Variants in CCSER2 observed in about 807,000 individuals in gnomAD.
CCSER2 encodes coiled-coil serine rich protein 2, also known as serine-rich coiled-coil domain-containing protein 2.
Under a neutral mutation model 92.3 loss-of-function variants are expected in CCSER2, and 46 were observed. The ratio of observed to expected loss-of-function variants is 0.50; its 90% CI spans 0.39 to 0.64. The LOEUF is 0.64. Among genes scored for constraint, CCSER2 ranks in the 30% least tolerant of loss-of-function variants. The pLI is 0.00. For missense variants in CCSER2, 1,244 were observed against 1,238.9 expected (o/e 1.00, Z -0.06); for synonymous variants, 433 against 431.4 (o/e 1.00, Z -0.04).
At chr10:84,409,578 T>C (rs1564636320) in intron 3 of CCSER2, among the ~76,000 whole-genome samples, 1 of 151,070 alleles carries the variant, frequency 6.6e-6, no homozygotes, top group Non-Finnish European at 1.5e-5. Context: ...ATTGCTCTCT[T>C]TTTTTTTTTC....
chr10:84,401,027 A>G (rs1842091454), intron 3 of CCSER2, among the ~76,000 whole-genome samples: 1 of 152,182 alleles, frequency 6.6e-6, no homozygotes, highest in African/African-American at 2.4e-5. Flanking sequence ...GAATGAAAAT[A>G]TATTTTATCA....
chr10:84,389,481 T>G (rs1841405665), intron 3 of CCSER2: 1 of 324,004 alleles, frequency 3.1e-6, no homozygotes, highest in African/African-American at 2.2e-5. Flanking sequence ...ATAGTCAGTT[T>G]CACTGTAATT....
intron 4 of CCSER2, 119 bp from the exon 5 acceptor site, chr10:84,425,612 G>A: frequency 3.3e-6 from 2 of 609,016 alleles, no homozygotes; most frequent in Non-Finnish European, 5.1e-6. Context: ...AACATAAATG[G>A]CTGATATTTT....
chr10:84,373,959 A>G, intron 3 of CCSER2, 144 bp downstream of exon 3: 1 of 1,444,912 alleles, frequency 6.9e-7, no homozygotes, highest in Non-Finnish European at 9.2e-7. Flanking sequence ...GAGCCTATAA[A>G]ATATCTGACT....
intron 8 of CCSER2, among the ~76,000 whole-genome samples, chr10:84,474,948 G>A (rs934980222): frequency 1.3e-5 from 2 of 152,122 alleles, no homozygotes; most frequent in Non-Finnish European, 2.9e-5. Context: ...GTTTCTTATT[G>A]GTCATTTGGC....
intron 9 of CCSER2, among the ~76,000 whole-genome samples, chr10:84,479,685 A>T (rs192845864): frequency 1.3e-5 from 2 of 152,326 alleles, no homozygotes; most frequent in African/African-American, 2.4e-5. Flanking sequence ...ATCCCTCAAG[A>T]TGCTTGTAGA....
At chr10:84,445,903 T>C (rs1844885431) in intron 6 of CCSER2, among the ~76,000 whole-genome samples, 1 of 152,216 alleles carries the variant, frequency 6.6e-6, no homozygotes, top group South Asian at 2.1e-4. Context: ...ACAGTTTTGC[T>C]GCTGTATTCT....
chr10:84,394,916 A>C (rs1841744432), intron 3 of CCSER2, among the ~76,000 whole-genome samples: 1 of 152,054 alleles, frequency 6.6e-6, no homozygotes, highest in Non-Finnish European at 1.5e-5. Flanking sequence ...AGTGAACTTA[A>C]AAGTAATTTG....
intron 9 of CCSER2, among the ~76,000 whole-genome samples, chr10:84,512,017 AT>A (rs918548427): frequency 1.3e-4 from 19 of 150,844 alleles, no homozygotes; most frequent in Non-Finnish European, 2.1e-4. Context: ...CACTGTCTTG[AT>A]TTTTTTTTAA....
chr10:84,391,084 A>G, intron 3 of CCSER2: 1 of 780,134 alleles, frequency 1.3e-6, no homozygotes, highest in South Asian at 1.3e-5. Flanking sequence ...TCAGATGCTA[A>G]TGCCTCCACT....
At chr10:84,454,593 C>G (rs895631165) in intron 6 of CCSER2, 3 of 152,330 alleles carry the variant, frequency 2.0e-5, no homozygotes, top group Non-Finnish European at 2.9e-5. Flanking sequence ...AAATAGATGT[C>G]AAATTTATAT....
chr10:84,408,027 C>T (rs1842460728), intron 3 of CCSER2, among the ~76,000 whole-genome samples: 1 of 152,038 alleles, frequency 6.6e-6, no homozygotes, highest in Non-Finnish European at 1.5e-5. Context: ...TTGAAGGTTC[C>T]CACATGGCAG....
intron 1 of CCSER2, among the ~76,000 whole-genome samples, chr10:84,364,934 G>T (rs61865026): frequency 0.13 from 19,253 of 151,726 alleles, 1,495 homozygotes; most frequent in Admixed American, 0.23. Flanking sequence ...CAGAGACAGG[G>T]TCTCACCATA....
chr10:84,398,982 G>A (rs1841980262), intron 3 of CCSER2, among the ~76,000 whole-genome samples: 1 of 152,160 alleles, frequency 6.6e-6, no homozygotes, highest in African/African-American at 2.4e-5. Context: ...GGCCATTTGA[G>A]TTTTACAGAG....
chr10:84,344,855 G>A (rs574707908), intron 1 of CCSER2, among the ~76,000 whole-genome samples: 4 of 152,154 alleles, frequency 2.6e-5, no homozygotes, highest in South Asian at 2.1e-4. Flanking sequence ...TTAGCTGCAC[G>A]CACTCACTAG....
intron 6 of CCSER2, chr10:84,455,619 T>G: frequency 1.6e-6 from 1 of 611,448 alleles, no homozygotes; most frequent in South Asian, 1.6e-5. Context: ...GTATCAGTCT[T>G]GACCTTTTTT....
At chr10:84,457,259 A>AATATATT (rs1458605886) in intron 6 of CCSER2, among the ~76,000 whole-genome samples, 13 of 55,104 alleles carry the variant, frequency 2.4e-4, no homozygotes, top group Middle Eastern at 0.011. Context: ...TATTATATAA[A>AATATATT]ATATATTATA....
chr10:84,330,423 T>C (rs1018381723), intron 1 of CCSER2, among the ~76,000 whole-genome samples: 1 of 152,206 alleles, frequency 6.6e-6, no homozygotes, highest in Admixed American at 6.5e-5. Context: ...TCATCCCTCT[T>C]GTCTTAACTG....
intron 1 of CCSER2, among the ~76,000 whole-genome samples, chr10:84,348,854 T>C (rs1411065884): frequency 6.6e-6 from 1 of 152,204 alleles, no homozygotes; most frequent in African/African-American, 2.4e-5. Context: ...TTTGCCATTT[T>C]CTTACCATTT....
Sources: allele counts gnomAD v4.1 joint callset (sites outside exome capture counted in the v4.1 genomes callset), GRCh38; gene constraint gnomAD v4.1.1; transcripts MANE v1.5; gene names NCBI Gene and HGNC (gene_info 2026-07-23, HGNC 2026-07-21).